Variants in PDE7B observed in about 807,000 individuals in gnomAD.
PDE7B encodes 3',5'-cyclic-AMP phosphodiesterase 7B.
A neutral mutation model predicts 56.2 loss-of-function variants in PDE7B; 29 were observed. The ratio of observed to expected loss-of-function variants is 0.52; its 90% CI spans 0.38 to 0.70. The LOEUF is 0.70. PDE7B is among the 30% of genes least tolerant of loss of function. The pLI is 0.00. For missense variants in PDE7B, 490 were observed against 565.0 expected (o/e 0.87, Z 1.35); for synonymous variants, 197 against 196.9 (o/e 1.00, Z 0.00).
chr6:136,069,390 A>G (rs542541975), intron 2 of PDE7B, among the ~76,000 whole-genome samples: 58 of 152,332 alleles, frequency 3.8e-4, no homozygotes, highest in Non-Finnish European at 7.2e-4. Context: ...GATCAAATCC[A>G]TGGAGGAATT....
At chr6:135,871,563 A>G (rs544280559) in intron 1 of PDE7B, among the ~76,000 whole-genome samples, 5 of 152,328 alleles carry the variant, frequency 3.3e-5, no homozygotes, top group African/African-American at 1.2e-4. Context: ...AGTTACTCAC[A>G]TGGGTAGTCA....
chr6:135,860,677 G>T (rs1775128764), intron 1 of PDE7B, among the ~76,000 whole-genome samples: 1 of 151,984 alleles, frequency 6.6e-6, no homozygotes, highest in African/African-American at 2.4e-5. Flanking sequence ...AGAATGGAAT[G>T]ACTTTTTATT....
intron 2 of PDE7B, among the ~76,000 whole-genome samples, chr6:135,981,184 A>T (rs183252026): frequency 1.3e-5 from 2 of 151,570 alleles, no homozygotes; most frequent in African/African-American, 4.8e-5. Context: ...TATCGCAAGA[A>T]CAAAAAACCA....
At chr6:135,923,009 G>C (rs1266836626) in intron 1 of PDE7B, among the ~76,000 whole-genome samples, 2 of 152,160 alleles carry the variant, frequency 1.3e-5, no homozygotes, top group Non-Finnish European at 2.9e-5. Context: ...CCGTGGCACA[G>C]ATGCTTTTAA....
At chr6:136,071,144 C>G (rs1284145417) in intron 2 of PDE7B, 1 of 152,148 alleles carries the variant, frequency 6.6e-6, no homozygotes, top group Non-Finnish European at 1.5e-5. Context: ...CATGTTGAAC[C>G]TTCGACCCAC....
At chr6:136,134,791 G>A (rs1400072489) in intron 3 of PDE7B, among the ~76,000 whole-genome samples, 4 of 146,622 alleles carry the variant, frequency 2.7e-5, no homozygotes, top group South Asian at 2.2e-4. Context: ...CCAAAAATCC[G>A]TGTGTTGCAT....
rs574344356 is a variant in PDE7B at position 135,956,771 on chromosome 6, G to T, written c.82+9247G>T. Among the ~76,000 whole-genome samples the T allele has an allele frequency of 1.3e-5, 2 of 150,960 alleles. 1 individual carries two copies. The highest frequency in any genetic ancestry group is 2.9e-5 in the Non-Finnish European group (2 of 67,826). ...CACTCCAGTCTGGGTGACAGAGCAA[G>T]ACCCTCTCAAAAAGAAAAGAAAAGA... On this transcript the variant is annotated intron_variant, in intron 2 of 12. Coordinates refer to ENST00000308191, the MANE Select transcript of PDE7B (RefSeq NM_018945.4).
chr6:136,088,713 G>GGGTTC (rs1777334417), intron 2 of PDE7B, among the ~76,000 whole-genome samples: 1 of 152,068 alleles, frequency 6.6e-6, no homozygotes. Context: ...GAAAGGTACA[G>GGGTTC]GGTTCCTTTT....
intron 2 of PDE7B, among the ~76,000 whole-genome samples, chr6:136,092,452 T>C (rs1019386330): frequency 1.3e-5 from 2 of 152,222 alleles, no homozygotes; most frequent in Non-Finnish European, 2.9e-5. Flanking sequence ...AAATGGCAGA[T>C]TCAGTTTTTT....
chr6:136,023,063 A>T (rs1342143173), intron 2 of PDE7B, among the ~76,000 whole-genome samples: 1 of 151,840 alleles, frequency 6.6e-6, no homozygotes, highest in Non-Finnish European at 1.5e-5. Flanking sequence ...CCTTTTTCCC[A>T]ATTATCTATT....
chr6:136,087,936 A>T (rs868810132), intron 2 of PDE7B, among the ~76,000 whole-genome samples: 82 of 152,300 alleles, frequency 5.4e-4, no homozygotes, highest in Middle Eastern at 3.4e-3. Flanking sequence ...TAAGCAAAAA[A>T]ATATATATTA....
At chr6:136,156,445 C>T (rs1040111004) in intron 8 of PDE7B, among the ~76,000 whole-genome samples, 5 of 152,122 alleles carry the variant, frequency 3.3e-5, no homozygotes, top group Non-Finnish European at 7.3e-5. Context: ...CCTCAGCCTA[C>T]CAAAACACTA....
chr6:136,172,168 G>C (rs1213967092), intron 8 of PDE7B, among the ~76,000 whole-genome samples: 2 of 152,196 alleles, frequency 1.3e-5, no homozygotes, highest in Non-Finnish European at 2.9e-5. Context: ...TGGGATGGCT[G>C]TGTCAAATGG....
rs192204664 is a variant in PDE7B at position 135,891,353 on chromosome 6, G to A, written c.21+39334G>A. ...GTTGATGACTGCATATAAAATCATA[G>A]ATCATTAGGGCTAAAGGAAGAATGT... On this transcript the variant is annotated intron_variant, in intron 1 of 12. Coordinates refer to ENST00000308191, the MANE Select transcript of PDE7B (RefSeq NM_018945.4). Among the ~76,000 whole-genome samples, 213 of 152,284 alleles carry A rather than the reference G, an allele frequency of 1.4e-3. 1 individual carries two copies. The highest frequency in any genetic ancestry group is 3.4e-3 in the Middle Eastern group (1 of 294).
intron 1 of PDE7B, among the ~76,000 whole-genome samples, chr6:135,884,050 C>A (rs1317828070): frequency 1.3e-5 from 2 of 152,162 alleles, no homozygotes; most frequent in African/African-American, 2.4e-5. Context: ...GTAAAATAAT[C>A]TCTGAAGCTT....
chr6:136,062,178 C>T (rs1354117843), intron 2 of PDE7B, among the ~76,000 whole-genome samples: 1 of 152,140 alleles, frequency 6.6e-6, no homozygotes, highest in Non-Finnish European at 1.5e-5. Context: ...AAGGTAAATA[C>T]AGTACTATTA....
intron 2 of PDE7B, among the ~76,000 whole-genome samples, chr6:135,997,183 C>T (rs1775580464): frequency 1.3e-5 from 2 of 151,540 alleles, no homozygotes; most frequent in South Asian, 4.2e-4. Context: ...TTTGGGAGGC[C>T]AAGATGGGCA....
chr6:136,171,338 C>A (rs960797938), intron 8 of PDE7B, among the ~76,000 whole-genome samples: 3 of 152,132 alleles, frequency 2.0e-5, no homozygotes, highest in African/African-American at 7.2e-5. Context: ...CAAAGATTAC[C>A]GGCAGAGCTG....
At position 136,055,293 on chromosome 6, in the gene PDE7B, TA is replaced by T. The variant is rs748770885; in HGVS notation, c.83-53436del. On this transcript the variant is annotated intron_variant, in intron 2 of 12. Coordinates refer to ENST00000308191, the MANE Select transcript of PDE7B (RefSeq NM_018945.4). The stretch of plus-strand genomic sequence containing the variant: ...AGAAGGGCAGGGAGATGATGTACTC[TA>T]ACTTCTGTGCTGTAAAACATGTGGA... Among the ~76,000 whole-genome samples the T allele has an allele frequency of 2.6e-5, 4 of 152,354 alleles. No homozygotes were observed. The East Asian group carries it at 7.7e-4, about 29-fold the overall frequency.
Sources: allele counts gnomAD v4.1 joint callset (sites outside exome capture counted in the v4.1 genomes callset), GRCh38; gene constraint gnomAD v4.1.1; transcripts MANE v1.5; gene names NCBI Gene and HGNC (gene_info 2026-07-23, HGNC 2026-07-21).